UFM1: variants seen among roughly 807,000 people sequenced by gnomAD.
UFM1 encodes ubiquitin fold modifier 1.
Under a neutral mutation model 15.4 loss-of-function variants are expected in UFM1, and 9 were observed. The observed-to-expected ratio is 0.59, with a 90% CI of 0.35 to 1.02. UFM1 has a LOEUF of 1.02. UFM1 is among the 50% of genes least tolerant of loss of function. UFM1 has a pLI of 0.02. For missense variants in UFM1, 98 were observed against 104.7 expected, an observed-to-expected ratio of 0.94 and a Z score of 0.28; for synonymous variants, 27 against 36.3, an observed-to-expected ratio of 0.74 and a Z score of 0.92.
intron 3 of UFM1, among the ~76,000 whole-genome samples, chr13:38,356,306 T>C (rs1479657326): frequency 1.3e-5 from 2 of 152,014 alleles, no homozygotes; most frequent in Admixed American, 6.6e-5. Context: ...CTAAAAACTT[T>C]GTAGTACTCT....
At chr13:38,360,688 TTA>T (rs762117428) in intron 5 of UFM1, 21 bp from the exon 6 acceptor site, 9 of 1,554,796 alleles carry the variant, frequency 5.8e-6, no homozygotes, top group Admixed American at 5.2e-5. Context: ...ATATCTAACT[TTA>T]TGTTTTGTTT....
intron 2 of UFM1, chr13:38,350,268 C>T: frequency 1.9e-6 from 3 of 1,562,636 alleles, no homozygotes; most frequent in Non-Finnish European, 2.6e-6. Context: ...GCAGCTTGGC[C>T]CCGTCACGAG....
rs201955851 is a variant in UFM1, at chr13:38,362,420, G to GA, written c.*1648dup. ...CAAAGGAAAAAGTATTTGCTGAGGT[G>GA]AAAAAATCTGATGTTTGAGGAAGTT... On this transcript the variant is annotated 3_prime_UTR_variant, in exon 6 of 6. Coordinates refer to ENST00000239878, the MANE Select transcript of UFM1 (RefSeq NM_016617.4). The GA allele has an allele frequency of 1.5e-4, 23 of 151,270 alleles. No individual in the cohort carries two copies. The East Asian group carries it at 3.7e-3, about 24-fold the overall frequency. 9.4% of individuals were successfully genotyped at this position (151,270 alleles called of 1,614,324 possible).
intron 3 of UFM1, 83 bp from the exon 4 acceptor site, chr13:38,358,010 C>T (rs1879187454): frequency 4.9e-6 from 3 of 613,342 alleles, no homozygotes; most frequent in Non-Finnish European, 5.0e-6. Flanking sequence ...GTATTTGTAC[C>T]CCATTCTTGC....
chr13:38,349,865 A>G lies in UFM1; in HGVS notation c.-55A>G, dbSNP rs981288556. 5 of 1,614,070 alleles carry G rather than the reference A, an allele frequency of 3.1e-6. 1 individual carries two copies. In the Admixed American group the frequency reaches 8.3e-5, roughly 27 times the overall value. ...GGGCGGTCCCCAGCACACTAGAGGA[A>G]GTCGTGCTACCCCCGCGGAGTTGTC... On this transcript the variant is annotated 5_prime_UTR_variant, in exon 1 of 6. Coordinates refer to ENST00000239878, the MANE Select transcript of UFM1 (RefSeq NM_016617.4).
Position 38,350,210 on chromosome 13 carries a change from C to T in UFM1, c.59+155C>T. The T allele has an allele frequency of 2.5e-6, 4 of 1,611,724 alleles. No homozygotes were observed. The South Asian group carries it at 3.3e-5, about 13-fold the overall frequency. Reference sequence around the variant, plus strand: ...GCGCCCTTCCAGGAGCCTTTCCCACCGGAGCCTGCGAGGAGAGGTCCGTAC... The same window carrying T: ...GCGCCCTTCCAGGAGCCTTTCCCACTGGAGCCTGCGAGGAGAGGTCCGTAC... On this transcript the variant is annotated intron_variant, in intron 2 of 5. Coordinates refer to ENST00000239878, the MANE Select transcript of UFM1 (RefSeq NM_016617.4).
chr13:38,359,077 G>A (rs1295976341), intron 4 of UFM1, among the ~76,000 whole-genome samples: 1 of 151,948 alleles, frequency 6.6e-6, no homozygotes, highest in Non-Finnish European at 1.5e-5. Context: ...TCATTGCATT[G>A]ACAGACGTTT....
intron 3 of UFM1, chr13:38,354,510 A>C: frequency 2.6e-6 from 1 of 385,816 alleles, no homozygotes; most frequent in Non-Finnish European, 4.6e-6. Flanking sequence ...GCAACCATTG[A>C]AAATTATAAG....
chr13:38,352,349 G>A lies in UFM1; in HGVS notation c.60-1890G>A, dbSNP rs534096571. Reference sequence around the variant, plus strand: ...CCTGACCTCGTGATCTGCCCACCTCGGCCTCCCAAAGTTCTGGGATTATAG... The same window carrying A: ...CCTGACCTCGTGATCTGCCCACCTCAGCCTCCCAAAGTTCTGGGATTATAG... On this transcript the variant is annotated intron_variant, in intron 2 of 5. Transcript: ENST00000239878. Among the ~76,000 whole-genome samples, 347 of 151,904 alleles carry A rather than the reference G, an allele frequency of 2.3e-3. 1 individual carries two copies. Among genetic ancestry groups the A allele is most frequent in the Non-Finnish European group, 3.6e-3 (242 of 67,942 alleles).
At chr13:38,356,149 C>T (rs996965052) in intron 3 of UFM1, among the ~76,000 whole-genome samples, 9 of 151,860 alleles carry the variant, frequency 5.9e-5, no homozygotes, top group African/African-American at 2.2e-4. Context: ...TTAACCATTT[C>T]TTCCACATTC....
chr13:38,350,091 G>C (rs1486001279), intron 2 of UFM1, 36 bp downstream of exon 2: 1 of 1,614,212 alleles, frequency 6.2e-7, no homozygotes, highest in East Asian at 2.2e-5. Flanking sequence ...TTTTGGGGCC[G>C]GACAAGACGG....
chr13:38,352,098 CTTTCT>C (rs1461666803), intron 2 of UFM1, among the ~76,000 whole-genome samples: 21 of 106,374 alleles, frequency 2.0e-4, no homozygotes, highest in South Asian at 8.2e-4. Flanking sequence ...TTTTTTCTTT[CTTTCT>C]TTTTTTTTTT....
rs568857824 is a variant in UFM1, at chr13:38,350,112, G to A, written c.59+57G>A. On this transcript the variant is annotated intron_variant, in intron 2 of 5. Transcript: ENST00000239878. ...GGCCGGACAAGACGGGGCTGGGTTG[G>A]GGATGATCCGAGCTTTTCCAACAAC... 7.4e-6 allele frequency: 12 copies of A among 1,614,202 alleles called. No homozygotes were observed. The South Asian group carries it at 1.3e-4, about 18-fold the overall frequency.
intron 4 of UFM1, 25 bp downstream of exon 4, chr13:38,358,157 T>C: frequency 7.1e-7 from 1 of 1,399,316 alleles, no homozygotes; most frequent in Non-Finnish European, 9.6e-7. Flanking sequence ...TAAAATTATG[T>C]ATTACCTCAA....
rs1028273659 is a variant in UFM1 at position 38,356,558 on chromosome 13, T to C, written c.118-1535T>C. Among the ~76,000 whole-genome samples the C allele has an allele frequency of 2.2e-4, 34 of 151,702 alleles. 1 individual carries two copies. Among genetic ancestry groups the C allele is most frequent in the Admixed American group, 2.2e-3 (33 of 15,242 alleles). ...ACAAATAATTGTTCTCAGGTATGTT[T>C]AAGGCCTTATTTTAAAAGTTGATTC... On this transcript the variant is annotated intron_variant, in intron 3 of 5. Transcript: ENST00000239878.
chr13:38,350,124 G>A lies in UFM1; in HGVS notation c.59+69G>A. 6.2e-7 allele frequency: 1 copy of A among 1,613,970 alleles called. No individual in the cohort carries two copies. Among genetic ancestry groups the A allele is most frequent in the South Asian group, 1.1e-5 (1 of 91,048 alleles). ...CGGGGCTGGGTTGGGGATGATCCGA[G>A]CTTTTCCAACAACTACCCCACGCAG... On this transcript the variant is annotated intron_variant, in intron 2 of 5. Coordinates refer to ENST00000239878, the MANE Select transcript of UFM1 (RefSeq NM_016617.4).
intron 3 of UFM1, among the ~76,000 whole-genome samples, chr13:38,355,111 C>G (rs1879038588): frequency 6.6e-6 from 1 of 151,972 alleles, no homozygotes; most frequent in Non-Finnish European, 1.5e-5. Flanking sequence ...GGTTCAGAAT[C>G]TTTTGAAAAG....
At position 38,362,351 on chromosome 13, in the gene UFM1, G is replaced by T. The variant is rs538627619; in HGVS notation, c.*1573G>T. The stretch of plus-strand genomic sequence containing the variant: ...TTGGTAGTTGTTTATGAAATTACCA[G>T]ATATTCATAAATGTGACAAATGAAC... On this transcript the variant is annotated 3_prime_UTR_variant, in exon 6 of 6. Coordinates refer to ENST00000239878, the MANE Select transcript of UFM1 (RefSeq NM_016617.4). 7 of 152,194 alleles carry T rather than the reference G, an allele frequency of 4.6e-5. No individual in the cohort carries two copies. The highest frequency in any genetic ancestry group is 1.9e-4 in the East Asian group (1 of 5,176). The allele number at this position is 152,194 out of a possible 1,614,324, so 9.4% of individuals were successfully genotyped here. A position where few individuals can be genotyped will look rare whatever the true frequency, so the allele number is the denominator to read the frequency against.
At chr13:38,357,007 T>C (rs9548318) in intron 3 of UFM1, among the ~76,000 whole-genome samples, 120,280 of 151,892 alleles carry the variant, frequency 0.79, 53,624 homozygotes, top group East Asian at 0.99. Flanking sequence ...CCACATTTCA[T>C]TGATTTAAAA....
Sources: allele counts gnomAD v4.1 joint callset (sites outside exome capture counted in the v4.1 genomes callset), GRCh38; gene constraint gnomAD v4.1.1; transcripts MANE v1.5; gene names NCBI Gene and HGNC (gene_info 2026-07-23, HGNC 2026-07-21).